SEMA4G: variants seen among roughly 807,000 people sequenced by gnomAD.
SEMA4G encodes the protein semaphorin-4G.
Under a neutral mutation model 81.2 loss-of-function variants are expected in SEMA4G, and 59 were observed. The observed-to-expected ratio is 0.73, with a 90% CI of 0.59 to 0.90. The LOEUF is 0.90. SEMA4G is among the 40% of genes least tolerant of loss of function. SEMA4G has a pLI of 0.00. For synonymous variants in SEMA4G, 404 were observed against 433.9 expected, an observed-to-expected ratio of 0.93 and a Z score of 0.86; for missense variants, 952 against 1,102.3, an observed-to-expected ratio of 0.86 and a Z score of 1.93.
Position 100,973,568 on chromosome 10 carries a change from G to A in SEMA4G, c.295G>A (p.Glu99Lys). The A allele has an allele frequency of 6.2e-7, 1 of 1,614,176 alleles. No individual in the cohort carries two copies. Among genetic ancestry groups the A allele is most frequent in the South Asian group, 1.1e-5 (1 of 91,084 alleles). ...CTAGATCCACTGGGAAGCCTCCCCA[G>A]AGATGCAAAGCAAATGTCATCAAAA... The change falls in exon 3 of 14, where the codon GAG becomes AAG. Residue 99 changes from glutamate to lysine, a missense_variant. Glu to Lys is a moderately conservative substitution (Grantham distance 56). Around this residue, in one of 3 missense-constraint regions of SEMA4G, gnomAD observed 436 missense variants for 488.2 expected, o/e 0.89. Coordinates refer to ENST00000370250, the Ensembl canonical transcript of SEMA4G. This position sits in a 1 kb window ranked among gnomAD's most constrained non-coding sequence, Gnocchi z 5.5.
rs752382102 is a variant in SEMA4G at position 100,980,597 on chromosome 10, G to A, written c.1371G>A (p.Lys457=). The A allele has an allele frequency of 8.1e-6, 13 of 1,614,156 alleles. No individual in the cohort carries two copies. The Admixed American group carries it at 2.2e-4, about 27-fold the overall frequency. The change falls in exon 11 of 14, where the codon AAG becomes AAA. Residue 457 remains lysine (K), a synonymous_variant. Transcript: ENST00000370250. ...TACCAGCTGATGGCTGGATCCACAAGGCCGTAGTCCTGGGCTCTGGGATGC... is the reference window on the plus strand; with the variant it reads ...TACCAGCTGATGGCTGGATCCACAAAGCCGTAGTCCTGGGCTCTGGGATGC...
chr10:100,984,860 TC>T (rs1851354331), downstream of SEMA4G: 12 of 1,491,072 alleles, frequency 8.0e-6, no homozygotes, highest in Non-Finnish European at 1.1e-5. Flanking sequence ...TGAATCAGCC[TC>T]CCCACTCTCC....
intron 3 of SEMA4G, among the ~76,000 whole-genome samples, chr10:100,974,709 A>G (rs1589980032): frequency 6.6e-6 from 1 of 152,338 alleles, no homozygotes. Flanking sequence ...CCAGTATTCC[A>G]TGGACAGGCA....
chr10:100,980,117 G>T lies in SEMA4G; in HGVS notation c.1129-5G>T. 1 of 1,614,096 alleles carries T rather than the reference G, an allele frequency of 6.2e-7. No homozygotes were observed. The highest frequency in any genetic ancestry group is 8.5e-7 in the Non-Finnish European group (1 of 1,179,956). The stretch of plus-strand genomic sequence containing the variant: ...GAGGTTCACCACCTTCGTCCCCCAC[G>T]CCAGTGTATCACAGATTCATTGCGC... On this transcript the variant is annotated splice_region_variant and splice_polypyrimidine_tract_variant and intron_variant, in intron 9 of 13. Coordinates refer to ENST00000370250, the Ensembl canonical transcript of SEMA4G.
intron 3 of SEMA4G, among the ~76,000 whole-genome samples, chr10:100,974,283 C>G (rs1850717981): frequency 6.6e-6 from 1 of 151,782 alleles, no homozygotes. Flanking sequence ...CTTGGCAACA[C>G]AGCGAGATCT....
At chr10:100,976,193 A>G (rs1392544941) in intron 3 of SEMA4G, among the ~76,000 whole-genome samples, 1 of 152,162 alleles carries the variant, frequency 6.6e-6, no homozygotes. Flanking sequence ...TAACGTGGCA[A>G]AGGAGTCAAG....
exon 10 of SEMA4G, chr10:100,980,140 C>A (rs761554973): frequency 1.2e-5 from 20 of 1,614,080 alleles, no homozygotes; most frequent in Non-Finnish European, 1.6e-5. Context: ...AGATTCATTG[C>A]GCAGCCAAGG....
At position 100,979,289 on chromosome 10, in the gene SEMA4G, C is replaced by T. The variant is rs201421075; in HGVS notation, c.983+18C>T. On this transcript the variant is annotated intron_variant, in intron 8 of 13. Transcript: ENST00000370250. ...ACACAGTGGTCAGTGCAGGGACAAT[C>T]GGGAGGCAAGAAACTGCGGACAGCA... 22 of 1,613,974 alleles carry T rather than the reference C, an allele frequency of 1.4e-5. No homozygotes were observed. Among genetic ancestry groups the T allele is most frequent in the African/African-American group, 9.3e-5 (7 of 74,872 alleles).
Position 100,977,627 on chromosome 10 carries a change from C to CGG in SEMA4G, c.337-5_337-4insGG. ...GCTCACAGCCCTCTCCACCTCATCC[C>CGG]ACAGACGGAGTGCTTTAACCATGTG... is the stretch of plus-strand genomic sequence containing the variant. On this transcript the variant is annotated splice_polypyrimidine_tract_variant and splice_region_variant and intron_variant, in intron 3 of 13. Coordinates refer to ENST00000370250, the Ensembl canonical transcript of SEMA4G. 6.2e-7 allele frequency: 1 copy of CGG among 1,613,354 alleles called. No individual in the cohort carries two copies.
Position 100,983,413 on chromosome 10 carries a change from G to T in SEMA4G, c.1799G>T (p.Ser600Ile). ...CGGGCCTTGTGGCTACTCAATGGGA[G>T]CATGGGCCTGAGCGATGGGCAGGGT... is the stretch of plus-strand genomic sequence containing the variant. Residue 600 changes from serine (S) to isoleucine (I), a missense_variant, in exon 14 of 14, where the codon AGC (serine) becomes ATC (isoleucine). By Grantham distance (142) the Ser-to-Ile change is moderately radical. Transcript: ENST00000370250. The T allele has an allele frequency of 1.2e-6, 2 of 1,612,932 alleles. No homozygotes were observed. Among genetic ancestry groups the T allele is most frequent in the African/African-American group, 1.3e-5 (1 of 75,050 alleles).
At position 100,973,012 on chromosome 10, in the gene SEMA4G, C is replaced by T; in HGVS notation, c.100C>T (p.Pro34Ser). Residue 34 changes from proline to serine, a missense_variant, in exon 1 of 14, where the codon CCT becomes TCT. By Grantham distance (74) the Pro-to-Ser change is moderately conservative (BLOSUM62 -1). This residue lies in a region of SEMA4G where 436 missense variants were observed against 488.2 expected (regional missense o/e 0.89). Transcript: ENST00000370250. The surrounding 1 kb of genome is among the most constrained non-coding windows in gnomAD (Gnocchi z 5.5). ...ACCGTCTAGAGAACTAGATGCCACC[C>T]CTCGGATGACCATACCCTATGAAGG... 6.2e-7 allele frequency: 1 copy of T among 1,614,134 alleles called. No homozygotes were observed. The highest frequency in any genetic ancestry group is 8.5e-7 in the Non-Finnish European group (1 of 1,180,034).
At position 100,977,604 on chromosome 10, in the gene SEMA4G, T is replaced by G. The variant is rs1191558996; in HGVS notation, c.337-28T>G. ...GGAGGCTTCTAGTCAGGCAGGGGGC[T>G]CACAGCCCTCTCCACCTCATCCCAC... On this transcript the variant is annotated intron_variant, in intron 3 of 13. Transcript: ENST00000370250. The G allele has an allele frequency of 4.4e-6, 7 of 1,593,336 alleles. No individual in the cohort carries two copies. In the South Asian group the frequency reaches 6.6e-5, roughly 15 times the overall value.
downstream of SEMA4G, chr10:100,985,140 A>C (rs1851374834): frequency 2.3e-6 from 1 of 432,944 alleles, no homozygotes; most frequent in Non-Finnish European, 4.1e-6. Flanking sequence ...CTTTTGGGGG[A>C]ATCAAGCATT....
chr10:100,982,651 GC>G (rs1442088074), intron 13 of SEMA4G, among the ~76,000 whole-genome samples: 1 of 152,214 alleles, frequency 6.6e-6, no homozygotes, highest in Non-Finnish European at 1.5e-5. Flanking sequence ...AACTAGCTGG[GC>G]ATGGTGGCAT....
exon 14 of SEMA4G, chr10:100,983,315 A>G (rs1851212995): frequency 6.5e-7 from 1 of 1,547,144 alleles, no homozygotes; most frequent in Non-Finnish European, 8.7e-7. Context: ...GGCCACCACC[A>G]CCACTGAAGA....
At chr10:100,984,803 G>A (rs1186071819) in exon 14 of SEMA4G, 3 of 1,534,920 alleles carry the variant, frequency 2.0e-6, no homozygotes, top group Non-Finnish European at 2.6e-6. Flanking sequence ...AGCCTGGGGA[G>A]GTAAGACTGC....
intron 3 of SEMA4G, among the ~76,000 whole-genome samples, chr10:100,976,672 A>T (rs2133867110): frequency 6.6e-6 from 1 of 152,298 alleles, no homozygotes; most frequent in South Asian, 2.1e-4. Flanking sequence ...GAGAGTAGCA[A>T]AAGTGTGTTG....
At chr10:100,981,269 T>C (rs759293753) in intron 13 of SEMA4G, 40 bp downstream of exon 14, 2 of 1,606,552 alleles carry the variant, frequency 1.2e-6, no homozygotes, top group South Asian at 2.2e-5. Flanking sequence ...CTACGCAGAC[T>C]GTCCTCTTTG....
At chr10:100,977,586 T>C in intron 3 of SEMA4G, 46 bp from the exon 5 acceptor site, 1 of 1,485,452 alleles carries the variant, frequency 6.7e-7, no homozygotes, top group Non-Finnish European at 9.4e-7. Flanking sequence ...GGAGGAGGCT[T>C]CTAGTCAGGC....
Sources: allele counts gnomAD v4.1 joint callset (sites outside exome capture counted in the v4.1 genomes callset), GRCh38; gene constraint gnomAD v4.1.1; regional missense constraint gnomAD v4.1.1; non-coding constraint Gnocchi (gnomAD v3.1); transcripts MANE v1.5; gene names NCBI Gene and HGNC (gene_info 2026-07-23, HGNC 2026-07-21).